The following TMEFF1 variants were observed in gnomAD, a reference collection of about 807,000 sequenced individuals.
The protein encoded by TMEFF1 is transmembrane protein with EGF like and two follistatin like domains 1.
TMEFF1 carries 20 observed loss-of-function variants against 47.5 expected under a neutral mutation model. That is an observed-to-expected ratio of 0.42 (90% CI 0.30 to 0.61). TMEFF1 has a LOEUF of 0.61. Among genes scored for constraint, TMEFF1 ranks in the 20% least tolerant of loss-of-function variants. The pLI is 0.19. For missense variants in TMEFF1, 411 were observed against 471.1 expected, an observed-to-expected ratio of 0.87 and a Z score of 1.18; for synonymous variants, 162 against 166.3, an observed-to-expected ratio of 0.97 and a Z score of 0.20.
intron 2 of TMEFF1, among the ~76,000 whole-genome samples, chr9:100,499,648 T>C (rs776217108): frequency 2.0e-5 from 3 of 152,196 alleles, no homozygotes; most frequent in Non-Finnish European, 4.4e-5. Context: ...AGAGTTAGTA[T>C]TTCTGGTAAC....
intron 5 of TMEFF1, among the ~76,000 whole-genome samples, chr9:100,526,111 C>T (rs748679491): frequency 6.6e-6 from 1 of 152,174 alleles, no homozygotes; most frequent in Admixed American, 6.5e-5. Flanking sequence ...GTGCATAATT[C>T]GAGCTGTGAG....
At chr9:100,571,453 A>G (rs1839237878) in intron 8 of TMEFF1, among the ~76,000 whole-genome samples, 1 of 152,174 alleles carries the variant, frequency 6.6e-6, no homozygotes. Flanking sequence ...AAAAATGCTA[A>G]GAGAGTAGAT....
intron 8 of TMEFF1, among the ~76,000 whole-genome samples, chr9:100,570,146 G>A (rs1041023990): frequency 2.8e-4 from 42 of 152,012 alleles, no homozygotes; most frequent in African/African-American, 9.9e-4. Context: ...ATTCCATTTT[G>A]TATATATACC....
chr9:100,477,638 T>TC (rs1837259752), intron 1 of TMEFF1, among the ~76,000 whole-genome samples: 1 of 146,282 alleles, frequency 6.8e-6, no homozygotes, highest in Non-Finnish European at 1.5e-5. Flanking sequence ...TTTTTTTTTT[T>TC]TTTTTGAGAT....
At chr9:100,561,560 TC>T in intron 8 of TMEFF1, 40 bp downstream of exon 8, 1 of 1,586,796 alleles carries the variant, frequency 6.3e-7, no homozygotes, top group Non-Finnish European at 8.6e-7. Context: ...GCATTTTTTT[TC>T]ATCAATGGTT....
At chr9:100,520,457 C>A (rs561674153) in intron 5 of TMEFF1, among the ~76,000 whole-genome samples, 43 of 152,206 alleles carry the variant, frequency 2.8e-4, no homozygotes, top group Non-Finnish European at 5.3e-4. Flanking sequence ...TTTAAAAATT[C>A]TTTCTCTTGC....
At chr9:100,531,822 A>G (rs552975025) in intron 5 of TMEFF1, among the ~76,000 whole-genome samples, 1,917 of 152,256 alleles carry the variant, frequency 0.013, 37 homozygotes, top group African/African-American at 0.043. Context: ...GAGGCATCAC[A>G]CTACCTGACT....
intron 8 of TMEFF1, among the ~76,000 whole-genome samples, chr9:100,563,354 G>A (rs576970082): frequency 8.4e-4 from 128 of 152,346 alleles, no homozygotes; most frequent in African/African-American, 3.0e-3. Context: ...TCTTAGGATG[G>A]TGCGTCTTTC....
chr9:100,483,802 CT>C (rs1837390667), intron 1 of TMEFF1, among the ~76,000 whole-genome samples: 1 of 151,258 alleles, frequency 6.6e-6, no homozygotes, highest in Non-Finnish European at 1.5e-5. Flanking sequence ...TTTTTTTCCC[CT>C]GAACTTGGCT....
In TMEFF1 at chr9:100,477,211, T is replaced by A. The variant is rs117508273; in HGVS notation, c.196+3471T>A. 1.9e-3 allele frequency among the ~76,000 whole-genome samples: 293 copies of A among 152,328 alleles called. 6 individuals carry two copies. In the East Asian group the frequency reaches 0.05, roughly 26 times the overall value. ...AAGTTGTCTAGATTGTGAAAAAGGA[T>A]GGAACCCTGCGACATATTACTGGAG... On this transcript the variant is annotated intron_variant, in intron 1 of 9. Transcript: ENST00000374879.
At position 100,510,369 on chromosome 9, in the gene TMEFF1, TC is replaced by T. The variant is rs528793568; in HGVS notation, c.436+1238del. On this transcript the variant is annotated intron_variant, in intron 3 of 9. Coordinates refer to ENST00000374879, the MANE Select transcript of TMEFF1 (RefSeq NM_003692.5). ...AAACATGGAGTTGCTGATTTTTCTT[TC>T]CCAGTGGAGGCATGGACAGAGTTAA... Among the ~76,000 whole-genome samples the T allele has an allele frequency of 2.6e-5, 4 of 152,326 alleles. No homozygotes were observed. In the South Asian group the frequency reaches 8.3e-4, roughly 32 times the overall value.
chr9:100,563,067 T>G (rs1839052386), intron 8 of TMEFF1, among the ~76,000 whole-genome samples: 1 of 152,158 alleles, frequency 6.6e-6, no homozygotes, highest in Non-Finnish European at 1.5e-5. Flanking sequence ...CCGCCCGCCT[T>G]GGCCTCCCAA....
intron 3 of TMEFF1, among the ~76,000 whole-genome samples, chr9:100,510,584 C>T (rs1230786019): frequency 1.3e-5 from 2 of 152,168 alleles, no homozygotes; most frequent in Non-Finnish European, 2.9e-5. Context: ...ATCCTCCCAC[C>T]TCCGTCTCCT....
rs1026495834 is a variant in TMEFF1, at chr9:100,540,619, G to A, written c.561-7125G>A. On this transcript the variant is annotated intron_variant, in intron 5 of 9. Transcript: ENST00000374879. The stretch of plus-strand genomic sequence containing the variant: ...AGGGCTCCTCAAGCAGGGCCAGAGC[G>A]GATGTCGAGGCCAAGGAGGTGCTGA... Among the ~76,000 whole-genome samples, 29 of 152,348 alleles carry A rather than the reference G, an allele frequency of 1.9e-4. No individual in the cohort carries two copies. The East Asian group carries it at 2.1e-3, about 11-fold the overall frequency.
chr9:100,508,881 A>C (rs2118358841), intron 2 of TMEFF1, 124 bp from the exon 3 acceptor site: 2 of 1,224,638 alleles, frequency 1.6e-6, no homozygotes, highest in South Asian at 3.9e-5. Context: ...CAAAAAAAAA[A>C]AAAAACCCCA....
chr9:100,524,239 AG>A (rs1838216531), intron 5 of TMEFF1, among the ~76,000 whole-genome samples: 1 of 152,226 alleles, frequency 6.6e-6, no homozygotes, highest in Admixed American at 6.5e-5. Context: ...TGTATACAAA[AG>A]TGTTTAAACA....
At chr9:100,530,494 G>A (rs1456131129) in intron 5 of TMEFF1, among the ~76,000 whole-genome samples, 2 of 152,138 alleles carry the variant, frequency 1.3e-5, no homozygotes, top group Non-Finnish European at 1.5e-5. Flanking sequence ...AGAAGAAATG[G>A]ATAAATTCCT....
In TMEFF1 at chr9:100,535,742, C is replaced by T. The variant is rs117246839; in HGVS notation, c.561-12002C>T. Among the ~76,000 whole-genome samples, 154 of 152,286 alleles carry T rather than the reference C, an allele frequency of 1.0e-3. No homozygotes were observed. The East Asian group carries it at 0.021, about 21-fold the overall frequency. On this transcript the variant is annotated intron_variant, in intron 5 of 9. Coordinates refer to ENST00000374879, the MANE Select transcript of TMEFF1 (RefSeq NM_003692.5). ...TTGTGCCACTGCACTCCAGCCTGAA[C>T]GACAGAGTGAGACCGTATCTCAAAA...
chr9:100,490,879 G>GTATGTGTGTATGTGTGTATGTGTT, intron 1 of TMEFF1, among the ~76,000 whole-genome samples: 1 of 151,534 alleles, frequency 6.6e-6, no homozygotes, highest in South Asian at 2.1e-4. Flanking sequence ...GTGTATGTGT[G>GTATGTGTGTATGTGTGTATGTGTT]TATGTGTGTA....
Sources: allele counts gnomAD v4.1 joint callset (sites outside exome capture counted in the v4.1 genomes callset), GRCh38; gene constraint gnomAD v4.1.1; transcripts MANE v1.5; gene names NCBI Gene and HGNC (gene_info 2026-07-23, HGNC 2026-07-21).